The following ZFC3H1 variants were observed in gnomAD, a reference collection of about 807,000 sequenced individuals.
ZFC3H1 encodes zinc finger C3H1 domain-containing protein.
Under a neutral mutation model 243.7 loss-of-function variants are expected in ZFC3H1, and 71 were observed. The ratio of observed to expected loss-of-function variants is 0.29; its 90% confidence interval spans 0.24 to 0.36. The LOEUF (loss-of-function observed/expected upper bound fraction) is 0.36, where lower values mean the gene tolerates loss of function less well. Ranked by LOEUF, ZFC3H1 falls within the 10% of genes least tolerant of loss-of-function variation. The pLI is 1.00. For synonymous variants in ZFC3H1, 838 were observed against 813.0 expected (o/e 1.03, Z -0.52); for missense variants, 1,966 against 2,317.1 (o/e 0.85, Z 3.11).
At chr12:71,631,416 T>A (rs561452030) in intron 16 of ZFC3H1, among the ~76,000 whole-genome samples, 1 of 152,078 alleles carries the variant, frequency 6.6e-6, no homozygotes, top group African/African-American at 2.4e-5. Context: ...CTAAATAAAT[T>A]TTATGAAGGC....
At chr12:71,623,269 T>TA in intron 24 of ZFC3H1, 91 bp downstream of exon 24, 1 of 1,119,436 alleles carries the variant, frequency 8.9e-7, no homozygotes, top group Non-Finnish European at 1.2e-6. Context: ...TTGTTCCACT[T>TA]AATTACAGAG....
intron 1 of ZFC3H1, among the ~76,000 whole-genome samples, chr12:71,661,824 C>A (rs925766564): frequency 8.5e-5 from 13 of 152,264 alleles, no homozygotes; most frequent in Non-Finnish European, 1.5e-4. Flanking sequence ...ACTCCTAACC[C>A]AACTTTTGGT....
At chr12:71,661,141 A>C (rs1252517700) in intron 1 of ZFC3H1, among the ~76,000 whole-genome samples, 1 of 151,880 alleles carries the variant, frequency 6.6e-6, no homozygotes, top group Admixed American at 6.6e-5. Context: ...GTCTCTACTA[A>C]AAATATAAAA....
chr12:71,644,856 G>C, intron 4 of ZFC3H1, 21 bp downstream of exon 4: 1 of 1,589,566 alleles, frequency 6.3e-7, no homozygotes, highest in South Asian at 1.2e-5. Flanking sequence ...AAAAACACAA[G>C]AATTTAATAA....
intron 24 of ZFC3H1, 127 bp from the exon 25 acceptor site, chr12:71,620,442 T>C (rs1879997796): frequency 5.6e-6 from 5 of 894,514 alleles, no homozygotes; most frequent in Non-Finnish European, 8.7e-6. Flanking sequence ...CCATCCATCA[T>C]CTTATTCACC....
chr12:71,645,608 A>G (rs1208227217), intron 3 of ZFC3H1, among the ~76,000 whole-genome samples: 6 of 146,826 alleles, frequency 4.1e-5, no homozygotes, highest in African/African-American at 8.2e-5. Flanking sequence ...TATTGAAGGG[A>G]AAAATCTATA....
intron 18 of ZFC3H1, 113 bp from the exon 19 acceptor site, chr12:71,629,823 T>C: frequency 1.5e-6 from 1 of 655,402 alleles, no homozygotes; most frequent in Non-Finnish European, 2.6e-6. Flanking sequence ...ATGGTACTAG[T>C]CAATAACACC....
At chr12:71,648,711 T>G (rs1231503737) in intron 2 of ZFC3H1, among the ~76,000 whole-genome samples, 1 of 152,178 alleles carries the variant, frequency 6.6e-6, no homozygotes, top group Non-Finnish European at 1.5e-5. Flanking sequence ...TAGAAGGCAA[T>G]GACCAAATTT....
Position 71,663,083 on chromosome 12 carries a change from C to A in ZFC3H1, c.528G>T (p.Leu176=), listed in dbSNP as rs1163251844. The change falls in exon 1 of 35, where the codon CTG becomes CTT. Residue 176 remains leucine (L), a synonymous_variant. Transcript: ENST00000378743. ...RGGKPGCRPP[L]GGGAGSGFSS... is the part of the protein sequence containing the mutation. The stretch of plus-strand genomic sequence containing the variant: ...TGAACCCGGATCCTGCTCCTCCTCC[C>A]AGAGGAGGTCTGCACCCCGGCTTGC... 8 of 1,613,908 alleles carry A rather than the reference C, an allele frequency of 5.0e-6. No homozygotes were observed. The highest frequency in any genetic ancestry group is 1.3e-5 in the African/African-American group (1 of 74,930).
intron 4 of ZFC3H1, 103 bp downstream of exon 4, chr12:71,644,774 T>A: frequency 1.5e-6 from 2 of 1,320,416 alleles, no homozygotes; most frequent in Non-Finnish European, 2.0e-6. Flanking sequence ...GCAAAGATCA[T>A]GCCACTGTAC....
At chr12:71,649,091 CA>C (rs35231608) in intron 2 of ZFC3H1, among the ~76,000 whole-genome samples, 38,929 of 89,992 alleles carry the variant, frequency 0.43, 5,190 homozygotes, top group East Asian at 0.71. Flanking sequence ...ACTCTTGTCT[CA>C]AAAAAAAAAA....
intron 31 of ZFC3H1, 137 bp downstream of exon 31, chr12:71,613,198 C>G (rs1879814376): frequency 1.8e-6 from 1 of 553,186 alleles, no homozygotes; most frequent in South Asian, 5.1e-5. Flanking sequence ...GGCTTAACAA[C>G]TCTGAAATTA....
intron 13 of ZFC3H1, 96 bp from the exon 14 acceptor site, chr12:71,633,113 A>G: frequency 7.0e-7 from 1 of 1,418,730 alleles, no homozygotes; most frequent in South Asian, 1.4e-5. Context: ...CATTCAACTG[A>G]AAATAAAAAT....
intron 16 of ZFC3H1, among the ~76,000 whole-genome samples, chr12:71,631,447 C>T (rs1183702957): frequency 1.3e-5 from 2 of 152,060 alleles, no homozygotes; most frequent in African/African-American, 4.8e-5. Flanking sequence ...ACTTCTTAGA[C>T]TGAATAACAG....
rs752758530 is a variant in ZFC3H1 at position 71,633,456 on chromosome 12, A to G, written c.2511-18T>C. 2.0e-6 allele frequency: 3 copies of G among 1,528,064 alleles called. No homozygotes were observed. The Admixed American group carries it at 7.0e-5, about 36-fold the overall frequency. The allele number at this position is 1,528,064 out of a possible 1,614,324, so 94.7% of individuals were successfully genotyped here. A position where few individuals can be genotyped will look rare whatever the true frequency, so the allele number is the denominator to read the frequency against. On this transcript the variant is annotated intron_variant, in intron 12 of 34. Coordinates refer to ENST00000378743, the MANE Select transcript of ZFC3H1 (RefSeq NM_144982.5). Reference sequence around the variant, plus strand: ...AGAGAATCCTAAATGAGAAATAACAAAATTCTTGTTAATGTTTCCCTACAA... The same window carrying G: ...AGAGAATCCTAAATGAGAAATAACAGAATTCTTGTTAATGTTTCCCTACAA...
At position 71,624,579 on chromosome 12, in the gene ZFC3H1, C is replaced by T. The variant is rs76129785; in HGVS notation, c.4318-287G>A. Among the ~76,000 whole-genome samples, 818 of 152,278 alleles carry T rather than the reference C, an allele frequency of 5.4e-3. 8 individuals are homozygous for T. Among genetic ancestry groups the T allele is most frequent in the African/African-American group, 0.019 (786 of 41,562 alleles). ...CTTTTCCCTGACTTAAAAGGTAAATCGCAGCAAGATCATGATGAATATCCA... is the reference window on the plus strand; with the variant it reads ...CTTTTCCCTGACTTAAAAGGTAAATTGCAGCAAGATCATGATGAATATCCA... On this transcript the variant is annotated intron_variant, in intron 22 of 34. Coordinates refer to ENST00000378743, the MANE Select transcript of ZFC3H1 (RefSeq NM_144982.5).
At chr12:71,636,801 T>C in intron 8 of ZFC3H1, 49 bp downstream of exon 8, 3 of 1,599,488 alleles carry the variant, frequency 1.9e-6, no homozygotes, top group Non-Finnish European at 2.6e-6. Flanking sequence ...AGGACTACCG[T>C]AAAGCTAAGC....
chr12:71,612,101 C>G (rs1156529472), intron 31 of ZFC3H1, among the ~76,000 whole-genome samples: 1 of 152,076 alleles, frequency 6.6e-6, no homozygotes, highest in Non-Finnish European at 1.5e-5. Context: ...GCTCATCTTA[C>G]CAAACTACAC....
Position 71,663,669 on chromosome 12 carries a change from T to A in ZFC3H1, c.-59A>T. 1 of 1,550,316 alleles carries A rather than the reference T, an allele frequency of 6.5e-7. No individual in the cohort carries two copies. Among genetic ancestry groups the A allele is most frequent in the Non-Finnish European group, 8.7e-7 (1 of 1,147,192 alleles). ...CTCCGTCCGGGGATCCGCCCGACAA[T>A]TGCCTCGTTTCCCTTCTTTCCTAAC... On this transcript the variant is annotated 5_prime_UTR_variant, in exon 1 of 35. Coordinates refer to ENST00000378743, the MANE Select transcript of ZFC3H1 (RefSeq NM_144982.5).
Sources: allele counts gnomAD v4.1 joint callset (sites outside exome capture counted in the v4.1 genomes callset), GRCh38; gene constraint gnomAD v4.1.1; transcripts MANE v1.5; gene names NCBI Gene and HGNC (gene_info 2026-07-23, HGNC 2026-07-21).